Variants in BCAS3 observed in about 807,000 individuals in gnomAD.
BCAS3 encodes the protein BCAS4/BCAS3 fusion.
Under a neutral mutation model 116.1 loss-of-function variants are expected in BCAS3, and 53 were observed. The ratio of observed to expected loss-of-function variants is 0.46; its 90% CI spans 0.37 to 0.57. BCAS3 has a LOEUF of 0.57. BCAS3 is among the 20% of genes least tolerant of loss of function. The probability of loss-of-function intolerance (pLI) is 0.00; values close to 1 mark genes in which losing one functional copy is unlikely to be tolerated. For missense variants in BCAS3, 917 were observed against 1,165.4 expected (o/e 0.79, Z 3.10); for synonymous variants, 391 against 408.2 (o/e 0.96, Z 0.51).
intron 14 of BCAS3, among the ~76,000 whole-genome samples, chr17:60,955,456 A>C (rs1425360655): frequency 1.4e-5 from 2 of 143,888 alleles, no homozygotes; most frequent in Non-Finnish European, 3.0e-5. Flanking sequence ...GCGCTATCTC[A>C]GCTCACTGCA....
chr17:60,715,972 C>T lies in BCAS3; in HGVS notation c.321+6647C>T, dbSNP rs1282201118. Among the ~76,000 whole-genome samples the T allele has an allele frequency of 7.2e-5, 11 of 152,242 alleles. No homozygotes were observed. In the East Asian group the frequency reaches 1.9e-3, roughly 27 times the overall value. On this transcript the variant is annotated intron_variant, in intron 5 of 23. Coordinates refer to ENST00000407086, the MANE Select transcript of BCAS3 (RefSeq NM_017679.5). ...CTGCCTCCCAGTTTCAAGCAGTTCTCCTGCCTCAGCCTCCTGAGTAGCTTG... is the reference window on the plus strand; with the variant it reads ...CTGCCTCCCAGTTTCAAGCAGTTCTTCTGCCTCAGCCTCCTGAGTAGCTTG...
intron 22 of BCAS3, among the ~76,000 whole-genome samples, chr17:61,152,268 C>T (rs2144009362): frequency 6.6e-6 from 1 of 152,262 alleles, no homozygotes; most frequent in Non-Finnish European, 1.5e-5. Flanking sequence ...TGTTTTTGTC[C>T]TATCAGAGTG....
chr17:61,046,812 C>T (rs1029946628), intron 19 of BCAS3, among the ~76,000 whole-genome samples: 1 of 151,696 alleles, frequency 6.6e-6, no homozygotes, highest in Admixed American at 6.6e-5. Flanking sequence ...ATCTGTGGAT[C>T]AAGTGAAGCA....
chr17:61,284,191 C>T (rs1325087880), intron 22 of BCAS3, among the ~76,000 whole-genome samples: 1 of 152,156 alleles, frequency 6.6e-6, no homozygotes, highest in Non-Finnish European at 1.5e-5. Context: ...AGGATGTGGG[C>T]AGGGCCAAAT....
intron 6 of BCAS3, among the ~76,000 whole-genome samples, chr17:60,807,475 G>A (rs1207053010): frequency 6.6e-6 from 1 of 152,012 alleles, no homozygotes; most frequent in Non-Finnish European, 1.5e-5. Context: ...GGTGCCAATT[G>A]AAACTTAAAA....
chr17:60,981,760 T>C (rs2145401691), intron 14 of BCAS3, among the ~76,000 whole-genome samples: 1 of 152,310 alleles, frequency 6.6e-6, no homozygotes, highest in Admixed American at 6.5e-5. Flanking sequence ...CCTATGAAAT[T>C]GGCATAATTA....
chr17:60,911,008 CT>C (rs1223471634), intron 12 of BCAS3, among the ~76,000 whole-genome samples: 2 of 147,378 alleles, frequency 1.4e-5, no homozygotes, highest in African/African-American at 5.0e-5. Flanking sequence ...TCATAATATT[CT>C]TTTTTTTCTT....
rs1379570504 is a variant in BCAS3 at position 61,180,664 on chromosome 17, C to T, written c.2425+96100C>T. 2.0e-5 allele frequency among the ~76,000 whole-genome samples: 3 copies of T among 152,204 alleles called. No homozygotes were observed. Among genetic ancestry groups the T allele is most frequent in the East Asian group, 1.9e-4 (1 of 5,196 alleles). ...AGAAGCTTGCTACCTGTCTGAGGAGCATCAGTCCCATGCTTCGTGTCTGCA... is the reference window on the plus strand; with the variant it reads ...AGAAGCTTGCTACCTGTCTGAGGAGTATCAGTCCCATGCTTCGTGTCTGCA... On this transcript the variant is annotated intron_variant, in intron 22 of 23. Transcript: ENST00000407086. This position sits in a 1 kb window ranked among gnomAD's most constrained non-coding sequence, Gnocchi z 6.0.
Position 61,363,995 on chromosome 17 carries a change from G to T in BCAS3, c.2426-4332G>T, listed in dbSNP as rs1257146065. On this transcript the variant is annotated intron_variant, in intron 22 of 23. Transcript: ENST00000407086. This position sits in a 1 kb window ranked among gnomAD's most constrained non-coding sequence, Gnocchi z 4.9. ...GCAGCCTTGCTCTCACTCTGGGACAGGGAGATTCCAGGAGCACCTTTGCTG... is the reference window on the plus strand; with the variant it reads ...GCAGCCTTGCTCTCACTCTGGGACATGGAGATTCCAGGAGCACCTTTGCTG... Among the ~76,000 whole-genome samples, 1 of 152,210 alleles carries T rather than the reference G, an allele frequency of 6.6e-6. No individual in the cohort carries two copies. Among genetic ancestry groups the T allele is most frequent in the Non-Finnish European group, 1.5e-5 (1 of 68,038 alleles).
rs1008729196 is a variant in BCAS3 at position 60,694,704 on chromosome 17, A to C, written c.214+4943A>C. 2.0e-5 allele frequency among the ~76,000 whole-genome samples: 3 copies of C among 150,352 alleles called. No individual in the cohort carries two copies. The South Asian group carries it at 6.3e-4, about 32-fold the overall frequency. On this transcript the variant is annotated intron_variant, in intron 4 of 23. Coordinates refer to ENST00000407086, the MANE Select transcript of BCAS3 (RefSeq NM_017679.5). ...TTGCTGTGTTGCCCAGGCTGATCTT[A>C]AACTCAAGTGATCCTCCCACCTCGG...
chr17:61,107,986 AT>A (rs2074783668), intron 22 of BCAS3, among the ~76,000 whole-genome samples: 1 of 152,228 alleles, frequency 6.6e-6, no homozygotes, highest in African/African-American at 2.4e-5. Context: ...CCATCAATAT[AT>A]GAGAAATCTA....
At chr17:61,075,078 T>C in intron 20 of BCAS3, 58 bp downstream of exon 20, 1 of 1,398,910 alleles carries the variant, frequency 7.1e-7, no homozygotes, top group Admixed American at 1.8e-5. Context: ...TTTACTGTTT[T>C]TATTCTTTTC....
At chr17:60,939,484 T>C (rs774344967) in intron 13 of BCAS3, among the ~76,000 whole-genome samples, 1 of 152,064 alleles carries the variant, frequency 6.6e-6, no homozygotes, top group African/African-American at 2.4e-5. Context: ...GATATATAAA[T>C]TGTGGTATGT....
chr17:61,176,845 G>A (rs1451121730), intron 22 of BCAS3, among the ~76,000 whole-genome samples: 6 of 152,182 alleles, frequency 3.9e-5, no homozygotes, highest in Admixed American at 3.9e-4. Flanking sequence ...ATAGGCATGA[G>A]CCACCGCACT....
At chr17:61,264,996 G>A (rs909167956) in intron 22 of BCAS3, among the ~76,000 whole-genome samples, 3 of 152,214 alleles carry the variant, frequency 2.0e-5, no homozygotes, top group Non-Finnish European at 4.4e-5. Context: ...GTCTTTGGAG[G>A]CAGACAGCCC....
In BCAS3 at chr17:61,324,228, A is replaced by G. The variant is rs2055546787; in HGVS notation, c.2426-44099A>G. ...TAAGCACTCGAGAAATGTTTCAATC[A>G]GTGAGTGAATTAGAGGCGGGAGAGA... On this transcript the variant is annotated intron_variant, in intron 22 of 23. Coordinates refer to ENST00000407086, the MANE Select transcript of BCAS3 (RefSeq NM_017679.5). This position sits in a 1 kb window ranked among gnomAD's most constrained non-coding sequence, Gnocchi z 4.6. Among the ~76,000 whole-genome samples the G allele has an allele frequency of 6.6e-6, 1 of 152,224 alleles. No individual in the cohort carries two copies. The highest frequency in any genetic ancestry group is 1.9e-4 in the East Asian group (1 of 5,196).
chr17:61,136,806 AC>A lies in BCAS3; in HGVS notation c.2425+52244del, dbSNP rs2076666070. Reference sequence around the variant, plus strand: ...ATTCCTGGCCTCAAGTGATCCACCCACCTCGGCCTCCCAAAGTCCTGAGATT... The same window carrying A: ...ATTCCTGGCCTCAAGTGATCCACCCACTCGGCCTCCCAAAGTCCTGAGATT... On this transcript the variant is annotated intron_variant, in intron 22 of 23. Transcript: ENST00000407086. The surrounding 1 kb of genome is among the most constrained non-coding windows in gnomAD (Gnocchi z 4.4). 6.6e-6 allele frequency among the ~76,000 whole-genome samples: 1 copy of A among 151,904 alleles called. No individual in the cohort carries two copies. Among genetic ancestry groups the A allele is most frequent in the Non-Finnish European group, 1.5e-5 (1 of 67,962 alleles).
intron 14 of BCAS3, 33 bp downstream of exon 14, chr17:60,947,385 T>A (rs777228577): frequency 1.9e-6 from 3 of 1,596,862 alleles, no homozygotes; most frequent in Non-Finnish European, 2.6e-6. Context: ...AGGCGATTTC[T>A]TGGTGTAATA....
intron 10 of BCAS3, among the ~76,000 whole-genome samples, chr17:60,897,989 C>G (rs1356338363): frequency 6.6e-6 from 1 of 151,960 alleles, no homozygotes; most frequent in Non-Finnish European, 1.5e-5. Context: ...ATCTTCCTGC[C>G]TTGACCTCCC....
Sources: gnomAD v4.1 joint callset for allele counts (sites outside exome capture counted in the v4.1 genomes callset) on GRCh38, gnomAD v4.1.1 for gene constraint, Gnocchi (gnomAD v3.1) non-coding constraint, MANE v1.5 for transcripts, NCBI Gene and HGNC (gene_info 2026-07-23, HGNC 2026-07-21) for gene names.